Variants in SOX13 observed in about 807,000 individuals in gnomAD.
SOX13 encodes SRY-box transcription factor 13, also known as transcription factor SOX-13.
In SOX13, 28 loss-of-function variants were observed where a neutral mutation model predicts 71.8. That is an observed-to-expected ratio of 0.39 (90% CI 0.29 to 0.53). The LOEUF is 0.53. Ranked by LOEUF, SOX13 falls within the 20% of genes least tolerant of loss-of-function variation. SOX13 has a pLI of 0.70. For missense variants in SOX13, 627 were observed against 810.3 expected, an observed-to-expected ratio of 0.77 and a Z score of 2.75; for synonymous variants, 309 against 317.8, an observed-to-expected ratio of 0.97 and a Z score of 0.29.
intron 1 of SOX13, among the ~76,000 whole-genome samples, chr1:204,084,277 T>C (rs1025091102): frequency 6.6e-6 from 1 of 152,072 alleles, no homozygotes; most frequent in Non-Finnish European, 1.5e-5. Flanking sequence ...CTCTGTGGTG[T>C]GTGGCCCAAG....
Position 204,115,647 on chromosome 1 carries a change from G to A in SOX13, c.419-860G>A, listed in dbSNP as rs75681947. ...GACTAAGAGCTTTGCATATATTAGC[G>A]CTTCTTCTTCTTTTTTTTTTTTTTT... On this transcript the variant is annotated intron_variant, in intron 4 of 13. Coordinates refer to ENST00000367204, the MANE Select transcript of SOX13 (RefSeq NM_005686.3). Among the ~76,000 whole-genome samples the A allele has an allele frequency of 2.3e-3, 315 of 135,950 alleles. 9 individuals are homozygous for A. In the East Asian group the frequency reaches 0.061, roughly 26 times the overall value. The allele number at this position is 135,950 out of a possible 152,430, so 89.2% of individuals were successfully genotyped here.
intron 1 of SOX13, among the ~76,000 whole-genome samples, chr1:204,087,098 A>G (rs1172171381): frequency 6.6e-6 from 1 of 151,940 alleles, no homozygotes; most frequent in Admixed American, 6.5e-5. Context: ...TAATTTTTGT[A>G]TTTTTAGTAG....
intron 1 of SOX13, among the ~76,000 whole-genome samples, chr1:204,082,053 T>A (rs541594940): frequency 6.6e-6 from 1 of 150,788 alleles, no homozygotes; most frequent in East Asian, 2.0e-4. Flanking sequence ...CGGCTCCTCT[T>A]TTCTTGGCTG....
chr1:204,104,288 G>A (rs961880227), intron 1 of SOX13, among the ~76,000 whole-genome samples: 3 of 152,308 alleles, frequency 2.0e-5, no homozygotes, highest in Non-Finnish European at 4.4e-5. Context: ...AGACCAGACC[G>A]GCCGTGCCCT....
At chr1:204,104,998 T>C (rs1307966432) in intron 1 of SOX13, among the ~76,000 whole-genome samples, 1 of 152,068 alleles carries the variant, frequency 6.6e-6, no homozygotes, top group Admixed American at 6.6e-5. Flanking sequence ...TGTGTGCGCC[T>C]GTGGGTTGGT....
intron 1 of SOX13, among the ~76,000 whole-genome samples, chr1:204,109,950 A>G (rs1656545072): frequency 6.6e-6 from 1 of 151,976 alleles, no homozygotes; most frequent in Non-Finnish European, 1.5e-5. Context: ...CTCCTGCCTC[A>G]GCCTCCTGAG....
At chr1:204,076,898 C>T (rs1314507551) in intron 1 of SOX13, among the ~76,000 whole-genome samples, 5 of 152,332 alleles carry the variant, frequency 3.3e-5, no homozygotes, top group African/African-American at 7.2e-5. Context: ...AGACAGGCAG[C>T]GTGCCTGCCT....
Position 204,081,015 on chromosome 1 carries a change from A to C in SOX13, c.-2+7304A>C, listed in dbSNP as rs1018338589. 2.7e-5 allele frequency among the ~76,000 whole-genome samples: 4 copies of C among 150,910 alleles called. No individual in the cohort carries two copies. Among genetic ancestry groups the C allele is most frequent in the Admixed American group, 1.3e-4 (2 of 15,074 alleles). On this transcript the variant is annotated intron_variant, in intron 1 of 13. Transcript: ENST00000367204. The surrounding 1 kb of genome is among the most constrained non-coding windows in gnomAD (Gnocchi z 4.3). ...CAACATCCGCCTCCCAGGTTCAAGC[A>C]ATTCTCCTGCCTCAGCCTCCTGAGT...
intron 1 of SOX13, among the ~76,000 whole-genome samples, chr1:204,088,855 A>G (rs1393286573): frequency 6.6e-6 from 1 of 152,164 alleles, no homozygotes; most frequent in Non-Finnish European, 1.5e-5. Flanking sequence ...TGAAAGCTCA[A>G]TTAGAGTTCG....
At chr1:204,117,411 T>C (rs1656716669) in intron 6 of SOX13, among the ~76,000 whole-genome samples, 182 bp from the exon 7 acceptor site, 1 of 152,184 alleles carries the variant, frequency 6.6e-6, no homozygotes, top group Non-Finnish European at 1.5e-5. Flanking sequence ...AGCTGAGACC[T>C]GAGGGCAGGT....
chr1:204,102,858 G>A (rs1279542852), intron 1 of SOX13, among the ~76,000 whole-genome samples: 2 of 152,076 alleles, frequency 1.3e-5, no homozygotes, highest in Non-Finnish European at 2.9e-5. Context: ...GTATATAATA[G>A]AGCCAGTCTT....
rs545254618 is a variant in SOX13, at chr1:204,081,419, G to A, written c.-2+7708G>A. On this transcript the variant is annotated intron_variant, in intron 1 of 13. Coordinates refer to ENST00000367204, the MANE Select transcript of SOX13 (RefSeq NM_005686.3). The surrounding 1 kb of genome is among the most constrained non-coding windows in gnomAD (Gnocchi z 4.3). ...CAAGAGGAGTCACGGTTTGACCAGC[G>A]CTAAGAGGGGATGTGGCAGGAAGAG... Among the ~76,000 whole-genome samples, 4 of 152,346 alleles carry A rather than the reference G, an allele frequency of 2.6e-5. No homozygotes were observed. Among genetic ancestry groups the A allele is most frequent in the East Asian group, 3.9e-4 (2 of 5,186 alleles).
At chr1:204,125,774 T>C (rs2692010) in intron 13 of SOX13, 84 bp from the exon 14 acceptor site, 1,370,670 of 1,428,136 alleles carry the variant, frequency 0.96, 658,900 homozygotes, top group East Asian at 1. Flanking sequence ...TGGGAGTGCA[T>C]GCTCTGAGGA....
rs572743939 is a variant in SOX13, at chr1:204,121,937, C to G, written c.813C>G (p.Ala271=). ...YPLQLLHSPP[A]PVVKRPGAMA... ...TGCAGCTGCTGCACAGCCCCCCTGC[C>G]CCAGTGGTGAAGAGGCCTGGGGCCA... The change falls in exon 8 of 14, where the codon GCC becomes GCG. Residue 271 remains alanine (A), a synonymous_variant. Transcript: ENST00000367204. 6.2e-7 allele frequency: 1 copy of G among 1,613,074 alleles called. No individual in the cohort carries two copies. Among genetic ancestry groups the G allele is most frequent in the East Asian group, 2.2e-5 (1 of 44,870 alleles).
chr1:204,106,824 G>T (rs892906537), intron 1 of SOX13, among the ~76,000 whole-genome samples: 11 of 151,962 alleles, frequency 7.2e-5, no homozygotes, highest in Non-Finnish European at 1.5e-4. Context: ...TAAATTAAGC[G>T]TGTAAAGGTA....
chr1:204,122,649 T>C (rs1656833448), intron 9 of SOX13: 1 of 603,682 alleles, frequency 1.7e-6, no homozygotes, highest in South Asian at 2.0e-5. Context: ...TCTAGTCTAT[T>C]GACATGCACA....
intron 8 of SOX13, 64 bp downstream of exon 8, chr1:204,122,049 T>C: frequency 7.9e-7 from 1 of 1,258,854 alleles, no homozygotes; most frequent in Non-Finnish European, 1.1e-6. Context: ...GCTGCCGTGT[T>C]AGGGAACTGC....
chr1:204,087,316 G>A (rs1411843546), intron 1 of SOX13, among the ~76,000 whole-genome samples: 1 of 152,188 alleles, frequency 6.6e-6, no homozygotes, highest in African/African-American at 2.4e-5. Context: ...AGGACTGCTC[G>A]CCTTATACAG....
chr1:204,122,157 C>A, intron 8 of SOX13, 80 bp from the exon 9 acceptor site: 1 of 1,275,384 alleles, frequency 7.8e-7, no homozygotes, highest in Non-Finnish European at 1.1e-6. Flanking sequence ...TCTGGGTATG[C>A]TCACCTCACT....
Sources: allele counts gnomAD v4.1 joint callset (sites outside exome capture counted in the v4.1 genomes callset), GRCh38; gene constraint gnomAD v4.1.1; non-coding constraint Gnocchi (gnomAD v3.1); transcripts MANE v1.5; gene names NCBI Gene and HGNC (gene_info 2026-07-23, HGNC 2026-07-21).